TNKS: variants seen among roughly 807,000 people sequenced by gnomAD.
TNKS encodes the protein poly [ADP-ribose] polymerase tankyrase-1.
A neutral mutation model predicts 135.8 loss-of-function variants in TNKS; 72 were observed. The observed-to-expected ratio is 0.53, with a 90% confidence interval of 0.44 to 0.64. TNKS has a LOEUF of 0.64. Ranked by LOEUF, TNKS falls within the 30% of genes least tolerant of loss-of-function variation. The pLI is 0.00. For missense variants in TNKS, 1,769 were observed against 1,674.0 expected, an observed-to-expected ratio of 1.06 and a Z score of -0.99; for synonymous variants, 849 against 649.3, an observed-to-expected ratio of 1.31 and a Z score of -4.68.
chr8:9,748,269 A>T, intron 18 of TNKS, 57 bp downstream of exon 18: 2 of 1,332,906 alleles, frequency 1.5e-6, no homozygotes, highest in Non-Finnish European at 1.9e-6. Context: ...AGATGACATC[A>T]GATTCTCGGG....
At chr8:9,675,200 A>G (rs979324986) in intron 3 of TNKS, among the ~76,000 whole-genome samples, 1 of 152,200 alleles carries the variant, frequency 6.6e-6, no homozygotes, top group African/African-American at 2.4e-5. Context: ...TTTAATTTTC[A>G]AATCTACTAG....
chr8:9,679,911 C>T (rs1041361630), intron 3 of TNKS, 40 bp from the exon 4 acceptor site: 5 of 1,560,952 alleles, frequency 3.2e-6, no homozygotes, highest in Admixed American at 1.7e-5. Context: ...AATCTGTCTT[C>T]TGCCAAATGC....
intron 2 of TNKS, among the ~76,000 whole-genome samples, chr8:9,595,594 G>A (rs1798753167): frequency 6.6e-6 from 1 of 151,740 alleles, no homozygotes; most frequent in South Asian, 2.1e-4. Flanking sequence ...TGTTTTATTA[G>A]AATTCCAGGA....
At chr8:9,732,733 T>C (rs570799794) in intron 14 of TNKS, among the ~76,000 whole-genome samples, 53 of 152,326 alleles carry the variant, frequency 3.5e-4, no homozygotes, top group African/African-American at 1.3e-3. Flanking sequence ...CCTCTCAGAA[T>C]AGTTTGCCCA....
chr8:9,625,957 C>T (rs1451863597), intron 3 of TNKS, among the ~76,000 whole-genome samples: 2 of 152,034 alleles, frequency 1.3e-5, no homozygotes, highest in African/African-American at 2.4e-5. Flanking sequence ...GTTCTATATC[C>T]TTGCTGATTT....
At chr8:9,755,137 C>T (rs1352787365) in intron 20 of TNKS, among the ~76,000 whole-genome samples, 1 of 152,158 alleles carries the variant, frequency 6.6e-6, no homozygotes, top group East Asian at 1.9e-4. Context: ...AGTCAGTTTG[C>T]ATTATAATTT....
At chr8:9,643,296 G>C (rs772966281) in intron 3 of TNKS, among the ~76,000 whole-genome samples, 5 of 146,014 alleles carry the variant, frequency 3.4e-5, no homozygotes, top group African/African-American at 1.0e-4. Context: ...AAGCTGAGAA[G>C]TCCAAGGTTG....
intron 2 of TNKS, among the ~76,000 whole-genome samples, chr8:9,612,980 T>C (rs1048239923): frequency 1.3e-5 from 2 of 152,198 alleles, no homozygotes; most frequent in Non-Finnish European, 2.9e-5. Flanking sequence ...CATAAAGATC[T>C]TCATCCTCAT....
Position 9,751,630 on chromosome 8 carries a change from C to G in TNKS, c.2854C>G (p.Leu952Val). 1 of 1,614,026 alleles carries G rather than the reference C, an allele frequency of 6.2e-7. No individual in the cohort carries two copies. Among genetic ancestry groups the G allele is most frequent in the Non-Finnish European group, 8.5e-7 (1 of 1,179,970 alleles). Residue 952 changes from leucine to valine, a missense_variant, in exon 19 of 27, where the codon CTG becomes GTG. By Grantham distance (32) the Leu-to-Val change is conservative. Coordinates refer to ENST00000310430, the MANE Select transcript of TNKS (RefSeq NM_003747.3). The part of the protein sequence containing the change: ...LATADDIRAL[L>V]IDAMPPEALP... ...TTAGGCTGACGATATCAGAGCTTTG[C>G]TGATAGATGCCATGCCCCCAGAGGC...
At chr8:9,728,683 A>G (rs1805274420) in intron 13 of TNKS, among the ~76,000 whole-genome samples, 1 of 152,024 alleles carries the variant, frequency 6.6e-6, no homozygotes, top group Non-Finnish European at 1.5e-5. Context: ...ATTTAATTTG[A>G]TTTGTCAATT....
At chr8:9,759,036 A>G (rs947962045) in intron 20 of TNKS, among the ~76,000 whole-genome samples, 1 of 152,186 alleles carries the variant, frequency 6.6e-6, no homozygotes, top group Non-Finnish European at 1.5e-5. Context: ...GTTCCTTGCC[A>G]TGTGAGCCTG....
At chr8:9,747,336 AT>A (rs1342048653) in intron 17 of TNKS, among the ~76,000 whole-genome samples, 4 of 138,772 alleles carry the variant, frequency 2.9e-5, no homozygotes, top group Non-Finnish European at 4.5e-5. Context: ...TTTAAACACA[AT>A]TTTTTTTCTT....
chr8:9,723,989 G>A (rs1480280532), intron 12 of TNKS, among the ~76,000 whole-genome samples: 2 of 152,164 alleles, frequency 1.3e-5, no homozygotes, highest in Non-Finnish European at 2.9e-5. Flanking sequence ...CCTGTTGCCA[G>A]TCCAGTAGTC....
rs554460838 is a variant in TNKS at position 9,731,475 on chromosome 8, A to C, written c.2147+440A>C. 2.2e-3 allele frequency among the ~76,000 whole-genome samples: 323 copies of C among 149,020 alleles called. 2 individuals carry two copies. Among genetic ancestry groups the C allele is most frequent in the African/African-American group, 7.4e-3 (292 of 39,368 alleles). On this transcript the variant is annotated intron_variant, in intron 14 of 26. Coordinates refer to ENST00000310430, the MANE Select transcript of TNKS (RefSeq NM_003747.3). Reference sequence around the variant, plus strand: ...AATTCCATCTCAAAAAAAAAAAAAAAAAAAAAAAACATAGAAATGTACAGT... The same window carrying C: ...AATTCCATCTCAAAAAAAAAAAAAACAAAAAAAAACATAGAAATGTACAGT...
intron 1 of TNKS, among the ~76,000 whole-genome samples, chr8:9,571,477 A>C (rs1370257220): frequency 1.3e-5 from 2 of 151,862 alleles, no homozygotes; most frequent in African/African-American, 4.8e-5. Context: ...TCTTTTTTTG[A>C]GATGGAGTCT....
At chr8:9,605,503 TAAGAC>T (rs1263985585) in intron 2 of TNKS, among the ~76,000 whole-genome samples, 1 of 152,114 alleles carries the variant, frequency 6.6e-6, no homozygotes, top group Non-Finnish European at 1.5e-5. Flanking sequence ...AGTAAATACT[TAAGAC>T]TAAGTATGTA....
At chr8:9,708,534 T>C in intron 9 of TNKS, 42 bp downstream of exon 9, 1 of 1,463,134 alleles carries the variant, frequency 6.8e-7, no homozygotes, top group African/African-American at 1.4e-5. Context: ...TCTATAATAA[T>C]AACGTAAGCA....
chr8:9,629,787 A>G (rs1156815355), intron 3 of TNKS, among the ~76,000 whole-genome samples: 1 of 152,136 alleles, frequency 6.6e-6, no homozygotes, highest in East Asian at 1.9e-4. Flanking sequence ...GGTTCATGCC[A>G]TTCTCCTGCC....
intron 2 of TNKS, among the ~76,000 whole-genome samples, chr8:9,596,902 C>G (rs1023616563): frequency 1.3e-5 from 2 of 152,196 alleles, no homozygotes; most frequent in African/African-American, 4.8e-5. Flanking sequence ...GGAACTCTCA[C>G]TGTCATAGGT....
Sources: allele counts gnomAD v4.1 joint callset (sites outside exome capture counted in the v4.1 genomes callset), GRCh38; gene constraint gnomAD v4.1.1; transcripts MANE v1.5; gene names NCBI Gene and HGNC (gene_info 2026-07-23, HGNC 2026-07-21).